CLSTN2: variants seen among roughly 807,000 people sequenced by gnomAD.
The protein encoded by CLSTN2 is calsyntenin 2, also known as calsyntenin-2.
A neutral mutation model predicts 101.2 loss-of-function variants in CLSTN2; 48 were observed. The ratio of observed to expected loss-of-function variants is 0.47; its 90% CI spans 0.38 to 0.60. CLSTN2 has a LOEUF of 0.60. Among genes scored for constraint, CLSTN2 ranks in the 20% least tolerant of loss-of-function variants. CLSTN2 has a pLI of 0.00. For synonymous variants in CLSTN2, 481 were observed against 463.6 expected, an observed-to-expected ratio of 1.04 and a Z score of -0.48; for missense variants, 1,160 against 1,238.2, an observed-to-expected ratio of 0.94 and a Z score of 0.95.
chr3:140,107,748 C>T (rs934247067), intron 1 of CLSTN2, among the ~76,000 whole-genome samples: 1 of 152,278 alleles, frequency 6.6e-6, no homozygotes, highest in East Asian at 1.9e-4. Context: ...GTAAGAGTCA[C>T]ATCACTCTCT....
chr3:140,147,206 C>T (rs1345629329), intron 1 of CLSTN2, among the ~76,000 whole-genome samples: 2 of 152,214 alleles, frequency 1.3e-5, no homozygotes, highest in East Asian at 1.9e-4. Flanking sequence ...GAGGTGTGGA[C>T]TACTCACCCT....
In CLSTN2 at chr3:140,209,210, G is replaced by T. The variant is rs115050930; in HGVS notation, c.232+33137G>T. Among the ~76,000 whole-genome samples, 730 of 152,288 alleles carry T rather than the reference G, an allele frequency of 4.8e-3. 4 individuals are homozygous for T. The highest frequency in any genetic ancestry group is 0.016 in the African/African-American group (678 of 41,558). On this transcript the variant is annotated intron_variant, in intron 2 of 16. Coordinates refer to ENST00000458420, the MANE Select transcript of CLSTN2 (RefSeq NM_022131.3). Reference sequence around the variant, plus strand: ...CAGGAGTTGGGGAGAGAACTGGAGAGGATGCAGCGAGCAGCACTCTGGCCA... The same window carrying T: ...CAGGAGTTGGGGAGAGAACTGGAGATGATGCAGCGAGCAGCACTCTGGCCA...
At chr3:140,252,818 A>C (rs2086575329) in intron 2 of CLSTN2, among the ~76,000 whole-genome samples, 1 of 152,184 alleles carries the variant, frequency 6.6e-6, no homozygotes, top group African/African-American at 2.4e-5. Flanking sequence ...AAAGTAGCTC[A>C]GAGGCTTGAA....
chr3:140,566,820 CTCTG>C lies in CLSTN2; in HGVS notation c.*571_*574del, dbSNP rs1443326102. The C allele has an allele frequency of 1.3e-5, 2 of 155,854 alleles. No homozygotes were observed. Among genetic ancestry groups the C allele is most frequent in the African/African-American group, 4.8e-5 (2 of 41,416 alleles). 9.7% of individuals were successfully genotyped at this position (155,854 alleles called of 1,614,324 possible). On this transcript the variant is annotated 3_prime_UTR_variant, in exon 17 of 17. Transcript: ENST00000458420. ...ACACACATTCTCTCTCTCTCTCTCT[CTCTG>C]TCTATCTAGTTCCCCAGCTTGGAGA...
rs1419481836 is a variant in CLSTN2 at position 139,935,641 on chromosome 3, T to G, written c.109+158T>G. Among the ~76,000 whole-genome samples, 1 of 152,146 alleles carries G rather than the reference T, an allele frequency of 6.6e-6. No homozygotes were observed. The highest frequency in any genetic ancestry group is 1.5e-5 in the Non-Finnish European group (1 of 68,028). On this transcript the variant is annotated intron_variant, in intron 1 of 16. Coordinates refer to ENST00000458420, the MANE Select transcript of CLSTN2 (RefSeq NM_022131.3). The surrounding 1 kb of genome is among the most constrained non-coding windows in gnomAD (Gnocchi z 5.5). Reference sequence around the variant, plus strand: ...CCCTGGATTCCCGAAGTCAGTTCCCTGCGCAGCGGACCAGAGAGGTCCACC... The same window carrying G: ...CCCTGGATTCCCGAAGTCAGTTCCCGGCGCAGCGGACCAGAGAGGTCCACC...
chr3:140,546,290 A>G (rs1045776350), intron 9 of CLSTN2, among the ~76,000 whole-genome samples: 1 of 152,224 alleles, frequency 6.6e-6, no homozygotes, highest in African/African-American at 2.4e-5. Context: ...TAAAATTCAG[A>G]AATGCCAGGA....
rs1985632646 is a variant in CLSTN2 at position 140,573,578 on chromosome 3, T to C, written c.*7325T>C. 1 of 152,124 alleles carries C rather than the reference T, an allele frequency of 6.6e-6. No homozygotes were observed. Among genetic ancestry groups the C allele is most frequent in the African/African-American group, 2.4e-5 (1 of 41,420 alleles). 9.4% of individuals were successfully genotyped at this position (152,124 alleles called of 1,614,324 possible). A position where few individuals can be genotyped will look rare whatever the true frequency, so the allele number is the denominator to read the frequency against. ...AAGGAACTTGCTGGTACTTTGTCAG[T>C]CGTGTACACCTAACTGACTCCTCCT... On this transcript the variant is annotated 3_prime_UTR_variant, in exon 17 of 17. Transcript: ENST00000458420.
chr3:140,465,320 G>A (rs944749527), intron 7 of CLSTN2, among the ~76,000 whole-genome samples: 27 of 152,068 alleles, frequency 1.8e-4, no homozygotes, highest in African/African-American at 6.5e-4. Context: ...GCCTCCCAGT[G>A]GTATAATAAA....
intron 8 of CLSTN2, among the ~76,000 whole-genome samples, chr3:140,467,223 C>T (rs1414717193): frequency 6.6e-6 from 1 of 152,178 alleles, no homozygotes; most frequent in Non-Finnish European, 1.5e-5. Context: ...ATCTGTGACT[C>T]ACTCCAGAGC....
chr3:140,056,683 G>A (rs2008102929), intron 1 of CLSTN2, among the ~76,000 whole-genome samples: 2 of 152,196 alleles, frequency 1.3e-5, no homozygotes. Flanking sequence ...TCTAATTACA[G>A]TGTAATTGTG....
chr3:139,947,960 TC>T (rs2107809103), intron 1 of CLSTN2, among the ~76,000 whole-genome samples: 2 of 152,220 alleles, frequency 1.3e-5, no homozygotes, highest in Admixed American at 1.3e-4. Flanking sequence ...CAGCCAAGAA[TC>T]TTCTTAAAAC....
chr3:140,546,491 A>T (rs762355578), intron 9 of CLSTN2, 24 bp from the exon 10 acceptor site: 2 of 1,611,384 alleles, frequency 1.2e-6, no homozygotes, highest in African/African-American at 2.7e-5. Flanking sequence ...TTCACAGGGC[A>T]AATGATGGTG....
chr3:140,189,301 G>A (rs1002864760), intron 2 of CLSTN2, among the ~76,000 whole-genome samples: 3 of 152,274 alleles, frequency 2.0e-5, no homozygotes, highest in South Asian at 2.1e-4. Flanking sequence ...TATAGTAGTT[G>A]CCTGTTAAGT....
At position 140,558,728 on chromosome 3, in the gene CLSTN2, C is replaced by T. The variant is rs753618039; in HGVS notation, c.1912C>T (p.Arg638Trp). The change falls in exon 12 of 17, where the codon CGG (arginine) becomes TGG (tryptophan). Residue 638 changes from arginine to tryptophan, a missense_variant. By Grantham distance (101) the Arg-to-Trp change is moderately radical. Coordinates refer to ENST00000458420, the MANE Select transcript of CLSTN2 (RefSeq NM_022131.3). ...LQAIEPRITL[R>W]GTDHFWRPAA... ...GGCCATCGAGCCCCGGATCACCCTC[C>T]GGGGCACAGACCACTTCTGGAGACC... is the stretch of plus-strand genomic sequence containing the variant. 108 of 1,614,070 alleles carry T rather than the reference C, an allele frequency of 6.7e-5. No homozygotes were observed. Among genetic ancestry groups the T allele is most frequent in the Middle Eastern group, 1.7e-4 (1 of 6,042 alleles).
intron 3 of CLSTN2, among the ~76,000 whole-genome samples, chr3:140,404,325 G>A (rs2088279328): frequency 6.6e-6 from 1 of 152,224 alleles, no homozygotes; most frequent in African/African-American, 2.4e-5. Flanking sequence ...CTGGTGCAGA[G>A]GGAAGGGCAT....
At chr3:140,240,532 G>A (rs2086458291) in intron 2 of CLSTN2, among the ~76,000 whole-genome samples, 1 of 151,970 alleles carries the variant, frequency 6.6e-6, no homozygotes, top group Non-Finnish European at 1.5e-5. Context: ...TGATGACCAT[G>A]TGATAATACC....
chr3:140,406,230 A>G (rs1323933450), intron 4 of CLSTN2, among the ~76,000 whole-genome samples: 2 of 152,218 alleles, frequency 1.3e-5, no homozygotes, highest in Admixed American at 6.5e-5. Flanking sequence ...AACTTACTCT[A>G]TGGCATTGTC....
At chr3:140,274,867 C>T (rs1304436677) in intron 2 of CLSTN2, among the ~76,000 whole-genome samples, 1 of 152,166 alleles carries the variant, frequency 6.6e-6, no homozygotes, top group Non-Finnish European at 1.5e-5. Context: ...ATATTCCAGA[C>T]ACTTTGCTTC....
chr3:140,573,875 G>C lies in CLSTN2; in HGVS notation c.*7622G>C, dbSNP rs1985647306. 2.0e-5 allele frequency: 3 copies of C among 152,312 alleles called. No individual in the cohort carries two copies. Among genetic ancestry groups the C allele is most frequent in the South Asian group, 4.1e-4 (2 of 4,826 alleles). The allele number at this position is 152,312 out of a possible 1,614,324, so 9.4% of individuals were successfully genotyped here. A position where few individuals can be genotyped will look rare whatever the true frequency, so the allele number is the denominator to read the frequency against. ...GGAGCTGGTACCTCTGGACCATTGA[G>C]GCAACACCTCCCCAGAGGCAGGACC... On this transcript the variant is annotated 3_prime_UTR_variant, in exon 17 of 17. Coordinates refer to ENST00000458420, the MANE Select transcript of CLSTN2 (RefSeq NM_022131.3).
Sources: allele counts gnomAD v4.1 joint callset (sites outside exome capture counted in the v4.1 genomes callset), GRCh38; gene constraint gnomAD v4.1.1; non-coding constraint Gnocchi (gnomAD v3.1); transcripts MANE v1.5; gene names NCBI Gene and HGNC (gene_info 2026-07-23, HGNC 2026-07-21).